MOK: variants seen among roughly 807,000 people sequenced by gnomAD.
MOK encodes MAPK/MAK/MRK overlapping kinase.
In MOK, 59 loss-of-function variants were observed where a neutral mutation model predicts 54.2. The observed-to-expected ratio is 1.09, with a 90% CI of 0.88 to 1.35. The LOEUF (loss-of-function observed/expected upper bound fraction) is 1.35. MOK is among the 40% of genes most tolerant of loss of function. The pLI, the probability that MOK is intolerant of heterozygous loss-of-function variation, is 0.00. For missense variants in MOK, 517 were observed against 526.2 expected (o/e 0.98, Z 0.17); for synonymous variants, 210 against 202.7 (o/e 1.04, Z -0.31).
At chr14:102,248,156 G>A (rs1178811372) in intron 7 of MOK, among the ~76,000 whole-genome samples, 3 of 152,178 alleles carry the variant, frequency 2.0e-5, no homozygotes, top group Non-Finnish European at 4.4e-5. Flanking sequence ...GGGCTGGAAT[G>A]TTAGAGACAA....
downstream of MOK, among the ~76,000 whole-genome samples, chr14:102,219,721 A>G (rs2063665169): frequency 6.6e-6 from 1 of 152,160 alleles, no homozygotes; most frequent in African/African-American, 2.4e-5. Flanking sequence ...CTGAGTTTTG[A>G]TCATGGGCAC....
At chr14:102,241,717 C>T (rs954647910) in intron 7 of MOK, among the ~76,000 whole-genome samples, 4 of 152,188 alleles carry the variant, frequency 2.6e-5, no homozygotes, top group Non-Finnish European at 5.9e-5. Context: ...ACTTAATTAA[C>T]CTCACCTTCA....
chr14:102,222,851 C>G, downstream of MOK: 2 of 1,614,222 alleles, frequency 1.2e-6, no homozygotes, highest in South Asian at 1.1e-5. This position sits in a 1 kb window ranked among gnomAD's most constrained non-coding sequence, Gnocchi z 4.4. Flanking sequence ...ATCCCCAAGC[C>G]AGGCCAGTTC....
rs149850506 is a variant in MOK, at chr14:102,251,756, C to T, written c.411G>A (p.Lys137=). The part of the protein sequence containing the change: ...RDVKPENILI[K]QDVLKLGDFG... Reference sequence around the variant, plus strand: ...CCAGCTTTCATGTAAAAGCTCTTACCTTTATTAGTATATTTTCTGGTTTTA... The same window carrying T: ...CCAGCTTTCATGTAAAAGCTCTTACTTTTATTAGTATATTTTCTGGTTTTA... Residue 137 remains lysine (K), a splice_region_variant and synonymous_variant, in exon 6 of 12, where the codon AAG becomes AAA. Coordinates refer to ENST00000361847, the MANE Select transcript of MOK (RefSeq NM_014226.3). 2.6e-6 allele frequency: 4 copies of T among 1,567,272 alleles called. No homozygotes were observed. Among genetic ancestry groups the T allele is most frequent in the Non-Finnish European group, 3.5e-6 (4 of 1,139,748 alleles).
chr14:102,229,785 G>A (rs2064500246), intron 10 of MOK, 128 bp from the exon 11 acceptor site: 1 of 867,164 alleles, frequency 1.2e-6, no homozygotes, highest in Admixed American at 2.9e-5. Flanking sequence ...ATGTGACTGG[G>A]ACACATCCAC....
chr14:102,296,734 A>G (rs1280580823), intron 1 of MOK, among the ~76,000 whole-genome samples: 4 of 152,180 alleles, frequency 2.6e-5, no homozygotes, highest in African/African-American at 9.6e-5. Flanking sequence ...AGTCTAGGCA[A>G]CATGGTGAGA....
intron 4 of MOK, among the ~76,000 whole-genome samples, chr14:102,262,929 G>C (rs2067594044): frequency 6.6e-6 from 1 of 152,188 alleles, no homozygotes; most frequent in Non-Finnish European, 1.5e-5. Context: ...ACAACCATTA[G>C]TCAGACCCCC....
Position 102,229,200 on chromosome 14 carries a change from C to T in MOK, c.*89G>A. 7.3e-7 allele frequency: 1 copy of T among 1,366,744 alleles called. No homozygotes were observed. The highest frequency in any genetic ancestry group is 1.4e-5 in the South Asian group (1 of 71,514). The allele number at this position is 1,366,744 out of a possible 1,614,324, so 84.7% of individuals were successfully genotyped here. A position where few individuals can be genotyped will look rare whatever the true frequency, so the allele number is the denominator to read the frequency against. On this transcript the variant is annotated 3_prime_UTR_variant, in exon 12 of 12. Transcript: ENST00000361847. ...AAACGGACGCAGGCGCATCCCCAGC[C>T]CTCCGTGGCGTCTCAGCAGCAGATC...
downstream of MOK, chr14:102,223,081 AAAC>A: frequency 1.9e-6 from 1 of 534,072 alleles, no homozygotes; most frequent in South Asian, 2.8e-5. Context: ...TTTCCATTTT[AAAC>A]CGGTCTTTTG....
chr14:102,253,156 C>T (rs962341629), intron 4 of MOK, among the ~76,000 whole-genome samples: 3 of 152,156 alleles, frequency 2.0e-5, no homozygotes, highest in Non-Finnish European at 2.9e-5. Flanking sequence ...TGAAGAATGA[C>T]AGAATTGTTG....
At chr14:102,242,048 C>T (rs890490532) in intron 7 of MOK, among the ~76,000 whole-genome samples, 9 of 152,228 alleles carry the variant, frequency 5.9e-5, no homozygotes, top group African/African-American at 1.9e-4. Context: ...GGAACTCTGG[C>T]CCAAGGCTCT....
chr14:102,232,245 C>A lies in MOK; in HGVS notation c.866+290G>T. The A allele has an allele frequency of 5.1e-6, 2 of 389,980 alleles. No homozygotes were observed. The highest frequency in any genetic ancestry group is 9.1e-6 in the Non-Finnish European group (2 of 219,618). The allele number at this position is 389,980 out of a possible 1,614,324, so 24.2% of individuals were successfully genotyped here. On this transcript the variant is annotated intron_variant, in intron 9 of 11. Transcript: ENST00000361847. The surrounding 1 kb of genome is among the most constrained non-coding windows in gnomAD (Gnocchi z 5.1). ...CACACCATTTACAAGGGCCGCACAC[C>A]AGGCTCTTCTAGAAGGATTACTACC...
chr14:102,297,517 G>A (rs776091980), intron 1 of MOK, among the ~76,000 whole-genome samples: 19 of 152,206 alleles, frequency 1.2e-4, no homozygotes, highest in Non-Finnish European at 2.5e-4. Flanking sequence ...TGAAGCCCTC[G>A]CTGGCTCTCG....
At chr14:102,287,760 G>A (rs982506499) in intron 1 of MOK, among the ~76,000 whole-genome samples, 1 of 151,624 alleles carries the variant, frequency 6.6e-6, no homozygotes, top group African/African-American at 2.4e-5. Flanking sequence ...CTCATACATT[G>A]CTGGCAGGAA....
At chr14:102,219,605 G>C (rs984920913), downstream of MOK, among the ~76,000 whole-genome samples, 5 of 152,188 alleles carry the variant, frequency 3.3e-5, no homozygotes, top group Non-Finnish European at 7.4e-5. Flanking sequence ...TTTCCCCTTT[G>C]CTCTGACGGG....
rs147452163 is a variant in MOK, at chr14:102,284,628, C to T, written c.8-1036G>A. On this transcript the variant is annotated intron_variant, in intron 1 of 11. Transcript: ENST00000361847. Reference sequence around the variant, plus strand: ...AGACTGCAACAACATTGGCAGAGAACGGTCTGTGAGCCTTCTCCATTGAAC... The same window carrying T: ...AGACTGCAACAACATTGGCAGAGAATGGTCTGTGAGCCTTCTCCATTGAAC... 9.3e-3 allele frequency among the ~76,000 whole-genome samples: 1,413 copies of T among 152,242 alleles called. 12 individuals carry two copies. Among genetic ancestry groups the T allele is most frequent in the Non-Finnish European group, 0.015 (1,001 of 68,020 alleles).
rs1393049105 is a variant in MOK at position 102,249,104 on chromosome 14, T to C, written c.590+1708A>G. Among the ~76,000 whole-genome samples the C allele has an allele frequency of 6.6e-6, 1 of 152,014 alleles. No homozygotes were observed. Among genetic ancestry groups the C allele is most frequent in the East Asian group, 1.9e-4 (1 of 5,150 alleles). On this transcript the variant is annotated intron_variant, in intron 7 of 11. Transcript: ENST00000361847. The surrounding 1 kb of genome is among the most constrained non-coding windows in gnomAD (Gnocchi z 5.3). ...CTCAGCCTGGCGTGTGCAGCGACCT[T>C]AGCTGCTGGGAGGCTCCACTCTCCC...
chr14:102,280,715 GT>G (rs1222453858), intron 2 of MOK: 2 of 152,148 alleles, frequency 1.3e-5, no homozygotes, highest in African/African-American at 4.8e-5. Flanking sequence ...CAAGATTCTG[GT>G]GGACCAGGCA....
chr14:102,232,383 C>T lies in MOK; in HGVS notation c.866+152G>A. 1 of 822,056 alleles carries T rather than the reference C, an allele frequency of 1.2e-6. No individual in the cohort carries two copies. The allele number at this position is 822,056 out of a possible 1,614,324, so 50.9% of individuals were successfully genotyped here. A position where few individuals can be genotyped will look rare whatever the true frequency, so the allele number is the denominator to read the frequency against. On this transcript the variant is annotated intron_variant, in intron 9 of 11. Transcript: ENST00000361847. This position sits in a 1 kb window ranked among gnomAD's most constrained non-coding sequence, Gnocchi z 5.1. ...ACACCAGAAGGCAGCACGGTGTGGG[C>T]CCCAAGAGGCCCTGACCACTCTTCA...
Sources: allele counts gnomAD v4.1 joint callset (sites outside exome capture counted in the v4.1 genomes callset), GRCh38; gene constraint gnomAD v4.1.1; non-coding constraint Gnocchi (gnomAD v3.1); transcripts MANE v1.5; gene names NCBI Gene and HGNC (gene_info 2026-07-23, HGNC 2026-07-21).